Variants in MSI2 observed in about 807,000 individuals in gnomAD.
MSI2 encodes the protein RNA-binding protein Musashi homolog 2.
A neutral mutation model predicts 45.6 loss-of-function variants in MSI2; 17 were observed. The ratio of observed to expected loss-of-function variants is 0.37; its 90% CI spans 0.26 to 0.56. The LOEUF (loss-of-function observed/expected upper bound fraction) is 0.56, where lower values mean the gene tolerates loss of function less well. MSI2 is among the 20% of genes least tolerant of loss of function. The pLI is 0.77. For synonymous variants in MSI2, 156 were observed against 158.2 expected, an observed-to-expected ratio of 0.99 and a Z score of 0.11; for missense variants, 293 against 444.2, an observed-to-expected ratio of 0.66 and a Z score of 3.06.
chr17:57,373,316 C>G (rs1332290063), intron 5 of MSI2, among the ~76,000 whole-genome samples: 1 of 152,052 alleles, frequency 6.6e-6, no homozygotes, highest in Admixed American at 6.6e-5. Context: ...AAAACTGAGG[C>G]CCAACAAACA....
intron 6 of MSI2, among the ~76,000 whole-genome samples, chr17:57,454,397 C>T (rs2085073374): frequency 6.6e-6 from 1 of 151,314 alleles, no homozygotes; most frequent in South Asian, 2.1e-4. Flanking sequence ...TGTCCTCCTT[C>T]CTTCCTTCTT....
chr17:57,314,544 C>T (rs1912681812), intron 5 of MSI2, among the ~76,000 whole-genome samples: 1 of 149,560 alleles, frequency 6.7e-6, no homozygotes, highest in Non-Finnish European at 1.5e-5. Flanking sequence ...ATGTGACCAC[C>T]TGTTCAGTCA....
intron 8 of MSI2, among the ~76,000 whole-genome samples, chr17:57,608,693 G>T (rs575163176): frequency 6.6e-6 from 1 of 152,308 alleles, no homozygotes; most frequent in South Asian, 2.1e-4. Flanking sequence ...TCGTCTTTTT[G>T]TCATGGGCCC....
At chr17:57,443,714 A>C (rs1192925813) in intron 6 of MSI2, among the ~76,000 whole-genome samples, 1 of 152,034 alleles carries the variant, frequency 6.6e-6, no homozygotes, top group African/African-American at 2.4e-5. Flanking sequence ...GTCAGCCTGA[A>C]CCGTGTCACT....
intron 5 of MSI2, among the ~76,000 whole-genome samples, chr17:57,318,708 T>C (rs889734939): frequency 6.6e-6 from 1 of 152,180 alleles, no homozygotes; most frequent in African/African-American, 2.4e-5. Flanking sequence ...ATACAGCACG[T>C]TCCTGAATCC....
At position 57,429,935 on chromosome 17, in the gene MSI2, G is replaced by A. The variant is rs1598260460; in HGVS notation, c.405+28464G>A. Among the ~76,000 whole-genome samples the A allele has an allele frequency of 2.0e-5, 3 of 152,276 alleles. No homozygotes were observed. The South Asian group carries it at 6.2e-4, about 32-fold the overall frequency. ...TGCCCCCATCACTTCCCAAGTGTGT[G>A]ACCTTGGGCAAATTCATCTGTAAAA... is the stretch of plus-strand genomic sequence containing the variant. On this transcript the variant is annotated intron_variant, in intron 6 of 13. Transcript: ENST00000284073.
intron 5 of MSI2, among the ~76,000 whole-genome samples, chr17:57,319,858 C>T (rs531749632): frequency 3.9e-4 from 59 of 152,268 alleles, no homozygotes; most frequent in Admixed American, 1.5e-3. Context: ...AAGCAATCTG[C>T]CCACCACAGC....
Position 57,681,805 on chromosome 17 carries a change from ACAT to A in MSI2, c.*2289_*2291del. 1 of 147,358 alleles carries A rather than the reference ACAT, an allele frequency of 6.8e-6. No homozygotes were observed. Among genetic ancestry groups the A allele is most frequent in the Non-Finnish European group, 1.4e-5 (1 of 71,498 alleles). The allele number at this position is 147,358 out of a possible 1,614,324, so 9.1% of individuals were successfully genotyped here. On this transcript the variant is annotated 3_prime_UTR_variant, in exon 14 of 14. Coordinates refer to ENST00000284073, the MANE Select transcript of MSI2 (RefSeq NM_138962.4). Reference sequence around the variant, plus strand: ...CTTGTTCAAGTCATAAAACAACAAAACATAAGTTTTATTTAAAAAAAAAAAAAG... The same window carrying A: ...CTTGTTCAAGTCATAAAACAACAAAAAAGTTTTATTTAAAAAAAAAAAAAG...
chr17:57,461,754 A>G (rs1157029435), intron 6 of MSI2, among the ~76,000 whole-genome samples: 1 of 152,110 alleles, frequency 6.6e-6, no homozygotes, highest in East Asian at 1.9e-4. Context: ...GACTGGTCTC[A>G]AACTCCTGAC....
chr17:57,363,028 T>C lies in MSI2; in HGVS notation c.313-38351T>C, dbSNP rs377455906. Reference sequence around the variant, plus strand: ...CTTCTGGTTATATACATGAGAGATTTGGAGGCAGGGACTTGAACAGACATG... The same window carrying C: ...CTTCTGGTTATATACATGAGAGATTCGGAGGCAGGGACTTGAACAGACATG... On this transcript the variant is annotated intron_variant, in intron 5 of 13. Transcript: ENST00000284073. Among the ~76,000 whole-genome samples the C allele has an allele frequency of 1.6e-4, 24 of 152,334 alleles. No individual in the cohort carries two copies. The East Asian group carries it at 2.5e-3, about 16-fold the overall frequency.
At chr17:57,549,791 G>A (rs183530263) in intron 7 of MSI2, among the ~76,000 whole-genome samples, 71 of 152,302 alleles carry the variant, frequency 4.7e-4, no homozygotes, top group African/African-American at 1.6e-3. Context: ...CCCCTAGGTG[G>A]GCTCCTGCAT....
chr17:57,452,884 G>A (rs1176179986), intron 6 of MSI2, among the ~76,000 whole-genome samples: 1 of 152,044 alleles, frequency 6.6e-6, no homozygotes, highest in East Asian at 1.9e-4. Context: ...GCTGAGAGGT[G>A]GGGAACTGGG....
At chr17:57,307,680 C>T (rs970016143) in intron 5 of MSI2, among the ~76,000 whole-genome samples, 1 of 151,036 alleles carries the variant, frequency 6.6e-6, no homozygotes. Flanking sequence ...TTGCCTTGGC[C>T]TCCCATCCAC....
chr17:57,676,348 G>A (rs982503092), intron 12 of MSI2, among the ~76,000 whole-genome samples: 3 of 152,170 alleles, frequency 2.0e-5, no homozygotes, highest in South Asian at 2.1e-4. Context: ...GTTCAGCTCC[G>A]CTCCCAAGCC....
At chr17:57,437,592 T>A (rs147479476) in intron 6 of MSI2, among the ~76,000 whole-genome samples, 17 of 152,320 alleles carry the variant, frequency 1.1e-4, no homozygotes, top group African/African-American at 4.1e-4. Context: ...GAACTTTTCT[T>A]CAAACTTTTG....
chr17:57,633,149 C>A, intron 10 of MSI2: 3 of 1,021,182 alleles, frequency 2.9e-6, no homozygotes, highest in Non-Finnish European at 3.5e-6. Flanking sequence ...CCCCTGTAAG[C>A]AACCGAGGTA....
chr17:57,555,803 C>A (rs2087422181), intron 7 of MSI2, among the ~76,000 whole-genome samples: 1 of 152,226 alleles, frequency 6.6e-6, no homozygotes, highest in African/African-American at 2.4e-5. Flanking sequence ...ACAGATGCTG[C>A]AGCCCCTCGA....
intron 5 of MSI2, among the ~76,000 whole-genome samples, chr17:57,359,441 A>T (rs1434824411): frequency 1.3e-5 from 2 of 152,202 alleles, no homozygotes; most frequent in Non-Finnish European, 2.9e-5. Flanking sequence ...TAATTCTGTA[A>T]TTCTGGGGGG....
chr17:57,671,194 C>G (rs1321439749), intron 11 of MSI2, among the ~76,000 whole-genome samples: 1 of 152,176 alleles, frequency 6.6e-6, no homozygotes, highest in African/African-American at 2.4e-5. Flanking sequence ...CCCCAAACTG[C>G]CATCCTAGAG....
Sources: allele counts gnomAD v4.1 joint callset (sites outside exome capture counted in the v4.1 genomes callset), GRCh38; gene constraint gnomAD v4.1.1; transcripts MANE v1.5; gene names NCBI Gene and HGNC (gene_info 2026-07-23, HGNC 2026-07-21).